The following FRK variants were observed in gnomAD, a reference collection of about 807,000 sequenced individuals.
FRK encodes the protein tyrosine-protein kinase FRK.
FRK carries 51 observed loss-of-function variants against 56.4 expected under a neutral mutation model. That is an observed-to-expected ratio of 0.90 (90% CI 0.72 to 1.14). The LOEUF (loss-of-function observed/expected upper bound fraction) is 1.14. Ranked by LOEUF, FRK falls within the 50% of genes most tolerant of loss-of-function variation. FRK has a pLI of 0.00. For missense variants in FRK, 570 were observed against 601.4 expected, an observed-to-expected ratio of 0.95 and a Z score of 0.55; for synonymous variants, 245 against 217.9, an observed-to-expected ratio of 1.12 and a Z score of -1.10.
At chr6:116,033,008 T>C (rs776265155) in intron 1 of FRK, among the ~76,000 whole-genome samples, 3 of 152,124 alleles carry the variant, frequency 2.0e-5, no homozygotes, top group African/African-American at 7.2e-5. Flanking sequence ...ATCTGTTTAT[T>C]AATAACGTAG....
At chr6:116,007,687 G>A (rs924125329) in intron 1 of FRK, among the ~76,000 whole-genome samples, 5 of 152,082 alleles carry the variant, frequency 3.3e-5, no homozygotes, top group African/African-American at 9.7e-5. Context: ...TCTACCTTCA[G>A]GTTGTAAAGC....
intron 5 of FRK, among the ~76,000 whole-genome samples, chr6:115,951,566 AG>A (rs1772753429): frequency 1.3e-5 from 2 of 151,810 alleles, no homozygotes; most frequent in Admixed American, 6.6e-5. Context: ...TCAATACTAA[AG>A]TTTTTTTACA....
intron 4 of FRK, among the ~76,000 whole-genome samples, chr6:115,957,017 G>A (rs1773025794): frequency 6.6e-6 from 1 of 152,166 alleles, no homozygotes; most frequent in Non-Finnish European, 1.5e-5. Flanking sequence ...TGTCCTTGGT[G>A]CCCACTGTGG....
intron 1 of FRK, among the ~76,000 whole-genome samples, chr6:116,014,555 A>AG (rs1454916149): frequency 6.6e-6 from 1 of 151,704 alleles, no homozygotes; most frequent in African/African-American, 2.4e-5. Context: ...AGCAGTGGTC[A>AG]GGGAAAAAAA....
In FRK at chr6:115,976,202, G is replaced by T. The variant is rs559143269; in HGVS notation, c.467-7463C>A. ...TAAAACTTCAGTAATTTTCACCTTG[G>T]AGCCTTTGAGGTAGAAAAGGGTTTC... On this transcript the variant is annotated intron_variant, in intron 2 of 7. Coordinates refer to ENST00000606080, the MANE Select transcript of FRK (RefSeq NM_002031.3). 2.0e-5 allele frequency among the ~76,000 whole-genome samples: 3 copies of T among 152,132 alleles called. No individual in the cohort carries two copies. The East Asian group carries it at 5.8e-4, about 29-fold the overall frequency.
chr6:116,020,140 C>G (rs948934568), intron 1 of FRK, among the ~76,000 whole-genome samples: 1 of 151,864 alleles, frequency 6.6e-6, no homozygotes, highest in African/African-American at 2.4e-5. Context: ...CTATAGAAAA[C>G]AGTATTACAA....
At chr6:115,992,133 A>G (rs528222879) in intron 2 of FRK, among the ~76,000 whole-genome samples, 58 of 151,594 alleles carry the variant, frequency 3.8e-4, no homozygotes, top group African/African-American at 1.4e-3. Context: ...TAACTTTTTC[A>G]TTTCATTCAT....
intron 1 of FRK, among the ~76,000 whole-genome samples, chr6:116,050,157 T>C (rs1461025070): frequency 3.3e-5 from 5 of 152,202 alleles, no homozygotes. Context: ...CCTTGCTGTC[T>C]TCTGTTGAAC....
intron 1 of FRK, among the ~76,000 whole-genome samples, chr6:116,034,674 C>G (rs368811174): frequency 6.6e-6 from 1 of 152,078 alleles, no homozygotes. Flanking sequence ...TGTGGACTCA[C>G]AAGCAACCAC....
chr6:116,086,016 T>A, the FRK span, among the ~76,000 whole-genome samples: 1 of 152,076 alleles, frequency 6.6e-6, no homozygotes, highest in South Asian at 2.1e-4. Context: ...TGACTTTTTT[T>A]TTTTTTTGAG....
intron 1 of FRK, among the ~76,000 whole-genome samples, chr6:116,048,648 AG>A (rs1777069351): frequency 6.6e-6 from 1 of 152,158 alleles, no homozygotes; most frequent in Admixed American, 6.5e-5. Context: ...AACCTCCAAA[AG>A]TACTGGGATC....
the FRK span, among the ~76,000 whole-genome samples, chr6:116,071,628 A>G: frequency 6.6e-6 from 1 of 152,214 alleles, no homozygotes; most frequent in Non-Finnish European, 1.5e-5. Flanking sequence ...TGTCATTAAT[A>G]GACCAATTAA....
Position 115,959,018 on chromosome 6 carries a change from G to A in FRK, c.800-2408C>T, listed in dbSNP as rs540239516. On this transcript the variant is annotated intron_variant, in intron 4 of 7. Coordinates refer to ENST00000606080, the MANE Select transcript of FRK (RefSeq NM_002031.3). ...CTCTGCAGGTGAAGACTGTTTCAGAGCACTCCTTCATGGCCATGCTGGTTA... is the reference window on the plus strand; with the variant it reads ...CTCTGCAGGTGAAGACTGTTTCAGAACACTCCTTCATGGCCATGCTGGTTA... Among the ~76,000 whole-genome samples the A allele has an allele frequency of 9.9e-5, 15 of 152,258 alleles. No individual in the cohort carries two copies. The South Asian group carries it at 3.1e-3, about 32-fold the overall frequency.
chr6:115,992,697 G>T (rs185319185), intron 2 of FRK, among the ~76,000 whole-genome samples: 2 of 151,910 alleles, frequency 1.3e-5, no homozygotes, highest in East Asian at 1.9e-4. Context: ...TAGAAGATGG[G>T]AAGTGCAAGT....
intron 3 of FRK, 22 bp from the exon 4 acceptor site, chr6:115,967,741 G>T: frequency 1.4e-6 from 2 of 1,380,496 alleles, no homozygotes; most frequent in South Asian, 1.5e-5. Flanking sequence ...AATAATAAGA[G>T]CAATTGTTAA....
intron 1 of FRK, among the ~76,000 whole-genome samples, chr6:116,032,592 C>T (rs1376718606): frequency 6.6e-6 from 1 of 152,112 alleles, no homozygotes. Context: ...TTATTACAAT[C>T]CATGTTTAAA....
chr6:115,948,640 T>C (rs1341425603), intron 5 of FRK, among the ~76,000 whole-genome samples: 1 of 152,220 alleles, frequency 6.6e-6, no homozygotes, highest in Non-Finnish European at 1.5e-5. Context: ...TAACTTATGA[T>C]TGTTAAATCT....
intron 5 of FRK, among the ~76,000 whole-genome samples, chr6:115,954,848 C>T (rs1772923083): frequency 6.6e-6 from 1 of 152,172 alleles, no homozygotes; most frequent in African/African-American, 2.4e-5. Flanking sequence ...AGATTAGTCT[C>T]ATCCCCTTTC....
chr6:116,005,993 C>T (rs1775233885), intron 1 of FRK, among the ~76,000 whole-genome samples: 1 of 152,120 alleles, frequency 6.6e-6, no homozygotes, highest in South Asian at 2.1e-4. Context: ...AAAAGACATA[C>T]AAACCTTAGG....
Sources: gnomAD v4.1 joint callset for allele counts (sites outside exome capture counted in the v4.1 genomes callset) on GRCh38, gnomAD v4.1.1 for gene constraint, MANE v1.5 for transcripts, NCBI Gene and HGNC (gene_info 2026-07-23, HGNC 2026-07-21) for gene names.